Variants in GRIA1 observed in about 807,000 individuals in gnomAD.
GRIA1 encodes the protein glutamate receptor 1.
A neutral mutation model predicts 99.2 loss-of-function variants in GRIA1; 31 were observed. The ratio of observed to expected loss-of-function variants is 0.31; its 90% CI spans 0.23 to 0.42. The LOEUF is 0.42. Among genes scored for constraint, GRIA1 ranks in the 10% least tolerant of loss-of-function variants. The pLI, the probability that GRIA1 is intolerant of heterozygous loss-of-function variation, is 1.00. For missense variants in GRIA1, 782 were observed against 1,157.5 expected (o/e 0.68, Z 4.71); for synonymous variants, 438 against 432.4 (o/e 1.01, Z -0.16).
At chr5:153,756,506 G>A (rs6893441) in intron 11 of GRIA1, among the ~76,000 whole-genome samples, 90,920 of 152,036 alleles carry the variant, frequency 0.6, 27,944 homozygotes, top group East Asian at 0.94. Context: ...CATCTGTTCC[G>A]CAGCTCCTCT....
At chr5:153,705,215 C>G (rs1374907322) in intron 10 of GRIA1, among the ~76,000 whole-genome samples, 1 of 152,186 alleles carries the variant, frequency 6.6e-6, no homozygotes, top group Admixed American at 6.6e-5. Flanking sequence ...TCTCACTAAA[C>G]CCATTTGAGT....
At chr5:153,730,731 A>T (rs1760948083) in intron 11 of GRIA1, among the ~76,000 whole-genome samples, 1 of 152,122 alleles carries the variant, frequency 6.6e-6, no homozygotes, top group Non-Finnish European at 1.5e-5. Flanking sequence ...GCGGTAGATA[A>T]CACATTGTTG....
At position 153,624,996 on chromosome 5, in the gene GRIA1, C is replaced by T. The variant is rs189128988; in HGVS notation, c.221-21932C>T. ...CTGTGCAGAGCTCCTGATCCATTCA[C>T]GGCAGCAGAGACATACCAAGTCAGC... is the stretch of plus-strand genomic sequence containing the variant. On this transcript the variant is annotated intron_variant, in intron 2 of 15. Coordinates refer to ENST00000285900, the MANE Select transcript of GRIA1 (RefSeq NM_000827.4). Among the ~76,000 whole-genome samples the T allele has an allele frequency of 7.0e-4, 106 of 152,302 alleles. 1 individual carries two copies. Among genetic ancestry groups the T allele is most frequent in the African/African-American group, 2.2e-3 (92 of 41,568 alleles).
At position 153,768,558 on chromosome 5, in the gene GRIA1, A is replaced by G. The variant is rs556994005; in HGVS notation, c.2023-1610A>G. On this transcript the variant is annotated intron_variant, in intron 12 of 15. Coordinates refer to ENST00000285900, the MANE Select transcript of GRIA1 (RefSeq NM_000827.4). ...CTATTAAAACTGAAGTTTTAATAGCAACTATTTCCATTACTTTTCCCTCAA... is the reference window on the plus strand; with the variant it reads ...CTATTAAAACTGAAGTTTTAATAGCGACTATTTCCATTACTTTTCCCTCAA... Among the ~76,000 whole-genome samples, 8 of 152,286 alleles carry G rather than the reference A, an allele frequency of 5.3e-5. No homozygotes were observed. The East Asian group carries it at 1.5e-3, about 29-fold the overall frequency.
At chr5:153,804,550 G>A (rs933943649) in intron 15 of GRIA1, among the ~76,000 whole-genome samples, 1 of 152,120 alleles carries the variant, frequency 6.6e-6, no homozygotes, top group African/African-American at 2.4e-5. Flanking sequence ...AGTTGGCCCA[G>A]TACAGATTAT....
intron 13 of GRIA1, among the ~76,000 whole-genome samples, chr5:153,781,810 A>T (rs1316616485): frequency 6.6e-6 from 1 of 152,148 alleles, no homozygotes; most frequent in African/African-American, 2.4e-5. Context: ...TTCTACCAAC[A>T]TTCCAAGTAT....
chr5:153,676,932 A>G (rs977225720), intron 6 of GRIA1, 62 bp from the exon 7 acceptor site: 2 of 1,297,542 alleles, frequency 1.5e-6, no homozygotes, highest in Non-Finnish European at 2.0e-6. Flanking sequence ...CAAATACAGC[A>G]CCCAAACCTG....
At chr5:153,597,717 TCA>T (rs1459403438) in intron 2 of GRIA1, among the ~76,000 whole-genome samples, 1 of 151,896 alleles carries the variant, frequency 6.6e-6, no homozygotes, top group Non-Finnish European at 1.5e-5. Context: ...CTCAAGAAAA[TCA>T]CAGTCTAGCT....
chr5:153,500,712 G>A (rs1754933255), intron 2 of GRIA1, among the ~76,000 whole-genome samples: 1 of 150,396 alleles, frequency 6.6e-6, no homozygotes, highest in South Asian at 2.1e-4. Flanking sequence ...ATAAAACAAG[G>A]ACATTTGAGT....
chr5:153,747,426 A>G (rs1403342138), intron 11 of GRIA1, among the ~76,000 whole-genome samples: 1 of 152,160 alleles, frequency 6.6e-6, no homozygotes, highest in Non-Finnish European at 1.5e-5. Context: ...AACATTGACA[A>G]TCACCTTTCA....
chr5:153,575,541 T>C (rs2149367737), intron 2 of GRIA1, among the ~76,000 whole-genome samples: 1 of 152,318 alleles, frequency 6.6e-6, no homozygotes, highest in South Asian at 2.1e-4. Flanking sequence ...AGGCAGGACC[T>C]TGCTTTCAAA....
intron 13 of GRIA1, among the ~76,000 whole-genome samples, chr5:153,788,910 G>A (rs530789705): frequency 6.6e-6 from 1 of 152,142 alleles, no homozygotes; most frequent in African/African-American, 2.4e-5. Flanking sequence ...CCTCTCCAAG[G>A]GTTTCCTCTT....
intron 1 of GRIA1, among the ~76,000 whole-genome samples, chr5:153,493,430 T>C (rs1342671733): frequency 2.0e-5 from 3 of 152,222 alleles, no homozygotes; most frequent in Non-Finnish European, 2.9e-5. Context: ...TAAACAGTTA[T>C]AGTAGTGGAG....
chr5:153,515,763 AAAAAGG>A (rs1470370621), intron 2 of GRIA1, among the ~76,000 whole-genome samples: 4 of 152,210 alleles, frequency 2.6e-5, no homozygotes, highest in Non-Finnish European at 4.4e-5. Context: ...CAAATTTTTT[AAAAAGG>A]CTATTTTTCT....
chr5:153,535,427 A>C (rs1758478327), intron 2 of GRIA1, among the ~76,000 whole-genome samples: 2 of 152,150 alleles, frequency 1.3e-5, no homozygotes, highest in African/African-American at 4.8e-5. Context: ...GGTATGGCCC[A>C]TATCTGTCAA....
chr5:153,689,584 G>C (rs1481312981), intron 8 of GRIA1, among the ~76,000 whole-genome samples: 1 of 152,188 alleles, frequency 6.6e-6, no homozygotes, highest in African/African-American at 2.4e-5. Flanking sequence ...CAACAAGTAA[G>C]AATAGAAGCC....
Position 153,802,424 on chromosome 5 carries a change from A to G in GRIA1, c.2454A>G (p.Gly818=). ...GVFYILIGGL[G]LAMLVALIEF... ...TCTACATCCTGATCGGAGGACTTGG[A>G]CTAGCCATGCTGGTTGCCTTAATCG... The change falls in exon 15 of 16, where the codon GGA becomes GGG. Residue 818 remains glycine, a synonymous_variant. Coordinates refer to ENST00000285900, the MANE Select transcript of GRIA1 (RefSeq NM_000827.4). The G allele has an allele frequency of 6.2e-7, 1 of 1,613,742 alleles. No homozygotes were observed. The highest frequency in any genetic ancestry group is 8.5e-7 in the Non-Finnish European group (1 of 1,179,802).
At chr5:153,516,178 C>T (rs1284436611) in intron 2 of GRIA1, among the ~76,000 whole-genome samples, 2 of 152,024 alleles carry the variant, frequency 1.3e-5, no homozygotes, top group African/African-American at 4.8e-5. Flanking sequence ...CAAGATCACA[C>T]CACTGCACTC....
At chr5:153,491,002 T>C in intron 1 of GRIA1, 32 bp downstream of exon 1, 1 of 1,594,898 alleles carries the variant, frequency 6.3e-7, no homozygotes, top group Non-Finnish European at 8.6e-7. Flanking sequence ...GGAGGGACTT[T>C]CTGGGTCTGG....
Sources: gnomAD v4.1 joint callset for allele counts (sites outside exome capture counted in the v4.1 genomes callset) on GRCh38, gnomAD v4.1.1 for gene constraint, MANE v1.5 for transcripts, NCBI Gene and HGNC (gene_info 2026-07-23, HGNC 2026-07-21) for gene names.